Variants in ESR1 observed in about 807,000 individuals in gnomAD.
ESR1 encodes estrogen receptor.
ESR1 carries 12 observed loss-of-function variants against 52.7 expected under a neutral mutation model. That is an observed-to-expected ratio of 0.23 (90% CI 0.15 to 0.37). The LOEUF (loss-of-function observed/expected upper bound fraction) is 0.37, where lower values mean the gene tolerates loss of function less well. ESR1 is among the 10% of genes least tolerant of loss of function. The pLI is 1.00. For synonymous variants in ESR1, 305 were observed against 316.8 expected (o/e 0.96, Z 0.39); for missense variants, 584 against 779.7 (o/e 0.75, Z 2.99).
chr6:151,959,862 T>C (rs2037451026), intron 4 of ESR1, among the ~76,000 whole-genome samples: 1 of 152,206 alleles, frequency 6.6e-6, no homozygotes, highest in African/African-American at 2.4e-5. Context: ...CTGTTGAGAA[T>C]ACATGCATTA....
upstream of ESR1, among the ~76,000 whole-genome samples, chr6:151,688,412 G>C (rs1582894598): frequency 6.6e-6 from 1 of 152,256 alleles, no homozygotes; most frequent in Admixed American, 6.5e-5. Flanking sequence ...GGCCGCAGCT[G>C]GTATGGGTAC....
intron 6 of ESR1, among the ~76,000 whole-genome samples, chr6:152,067,939 T>C (rs2048096393): frequency 1.3e-5 from 2 of 152,266 alleles, no homozygotes; most frequent in Admixed American, 6.5e-5. Context: ...TAGCTTCTAC[T>C]TAAATTGGCA....
chr6:151,703,712 C>T (rs987306842), intron 2 of ESR1, among the ~76,000 whole-genome samples: 8 of 152,252 alleles, frequency 5.3e-5, no homozygotes, highest in African/African-American at 1.9e-4. Context: ...GTAGAAGAAC[C>T]AGTGCAAGTC....
upstream of ESR1, chr6:151,805,242 G>A (rs527984990): frequency 6.6e-6 from 1 of 152,276 alleles, no homozygotes; most frequent in East Asian, 1.9e-4. Context: ...CTGGGGGCTA[G>A]GGCCAGTAAG....
intron 5 of ESR1, among the ~76,000 whole-genome samples, chr6:152,020,316 G>A (rs1313257616): frequency 6.6e-6 from 1 of 152,194 alleles, no homozygotes; most frequent in African/African-American, 2.4e-5. Flanking sequence ...CTGGCAGGGG[G>A]AAAGCAGAGT....
intron 2 of ESR1, among the ~76,000 whole-genome samples, chr6:151,734,732 C>T (rs1203002898): frequency 1.3e-5 from 2 of 151,904 alleles, no homozygotes; most frequent in African/African-American, 4.8e-5. Context: ...AAGTGATTCT[C>T]CTGCCTCAGC....
chr6:151,831,321 G>A (rs1036119508), intron 1 of ESR1, among the ~76,000 whole-genome samples: 2 of 151,900 alleles, frequency 1.3e-5, no homozygotes, highest in African/African-American at 4.8e-5. Context: ...TAAATTTTTT[G>A]TAGAGTTGGG....
downstream of ESR1, among the ~76,000 whole-genome samples, chr6:152,103,608 G>T (rs1263125460): frequency 6.6e-6 from 1 of 152,214 alleles, no homozygotes; most frequent in Non-Finnish European, 1.5e-5. Context: ...TAACTGAGGT[G>T]CTCATTAAAC....
intron 2 of ESR1, among the ~76,000 whole-genome samples, chr6:151,721,896 G>A (rs956278542): frequency 2.0e-5 from 3 of 152,182 alleles, no homozygotes; most frequent in African/African-American, 7.2e-5. Flanking sequence ...GGGTCCTCAG[G>A]GAGCTGGATG....
intron 2 of ESR1, among the ~76,000 whole-genome samples, chr6:151,728,685 A>G (rs1330657079): frequency 6.6e-6 from 1 of 152,164 alleles, no homozygotes; most frequent in Non-Finnish European, 1.5e-5. Context: ...CACACATTTG[A>G]TGCGCCTCCT....
intron 2 of ESR1, among the ~76,000 whole-genome samples, chr6:151,786,210 T>G (rs1421776722): frequency 6.6e-6 from 1 of 152,122 alleles, no homozygotes; most frequent in African/African-American, 2.4e-5. Context: ...GGAGAAGAGA[T>G]GGTAGTGGGA....
intron 4 of ESR1, among the ~76,000 whole-genome samples, chr6:151,945,918 A>C (rs2035649534): frequency 6.6e-6 from 1 of 152,192 alleles, no homozygotes; most frequent in African/African-American, 2.4e-5. Flanking sequence ...TTGGTGGTTG[A>C]GTGGTTATTA....
At chr6:151,872,556 A>G (rs537895699) in intron 2 of ESR1, among the ~76,000 whole-genome samples, 17 of 152,328 alleles carry the variant, frequency 1.1e-4, no homozygotes, top group African/African-American at 3.6e-4. Context: ...ACAATCATAC[A>G]TTCCCACTTT....
chr6:152,081,664 T>G (rs139277672), intron 6 of ESR1, among the ~76,000 whole-genome samples: 7,834 of 151,378 alleles, frequency 0.052, 264 homozygotes, highest in Middle Eastern at 0.1. Context: ...AAAAAGCCGT[T>G]CAAAAAATCA....
chr6:152,120,553 A>G (rs1321032487), intron 6 of ESR1, among the ~76,000 whole-genome samples: 1 of 152,208 alleles, frequency 6.6e-6, no homozygotes, highest in Non-Finnish European at 1.5e-5. Flanking sequence ...TCTTAAATAC[A>G]GTGTGAAAGT....
At chr6:151,989,043 CA>C (rs2040776356) in intron 4 of ESR1, among the ~76,000 whole-genome samples, 1 of 152,080 alleles carries the variant, frequency 6.6e-6, no homozygotes, top group South Asian at 2.1e-4. Context: ...TTCCGCTCCA[CA>C]AAAATTCATA....
At chr6:151,718,759 G>A (rs117910320) in intron 2 of ESR1, among the ~76,000 whole-genome samples, 149 of 152,316 alleles carry the variant, frequency 9.8e-4, no homozygotes, top group Non-Finnish European at 1.1e-3. Context: ...GGAGAGCAGA[G>A]TAGAGTGGAA....
intron 4 of ESR1, among the ~76,000 whole-genome samples, chr6:151,949,068 T>G (rs1170737341): frequency 6.6e-6 from 1 of 152,180 alleles, no homozygotes; most frequent in Non-Finnish European, 1.5e-5. Context: ...CATTTCTCCT[T>G]TTTCCTCTCC....
intron 2 of ESR1, among the ~76,000 whole-genome samples, chr6:151,741,802 C>T (rs369795278): frequency 1.3e-5 from 2 of 152,092 alleles, no homozygotes; most frequent in Admixed American, 6.5e-5. Context: ...CTAAAATCTA[C>T]GCATGGAGCA....
Sources: gnomAD v4.1 joint callset for allele counts (sites outside exome capture counted in the v4.1 genomes callset) on GRCh38, gnomAD v4.1.1 for gene constraint, MANE v1.5 for transcripts, NCBI Gene and HGNC (gene_info 2026-07-23, HGNC 2026-07-21) for gene names.